Variants in DMD observed in about 807,000 individuals in gnomAD.
DMD encodes the protein dystrophin, also known as mutant dystrophin.
A neutral mutation model predicts 330.1 loss-of-function variants in DMD; 63 were observed. That is an observed-to-expected ratio of 0.19 (90% CI 0.16 to 0.24). The LOEUF (loss-of-function observed/expected upper bound fraction) is 0.24, where lower values mean the gene tolerates loss of function less well. DMD is among the 10% of genes least tolerant of loss of function. The pLI is 1.00. For missense variants in DMD, 3,344 were observed against 2,684.1 expected, an observed-to-expected ratio of 1.25 and a Z score of -5.43; for synonymous variants, 1,223 against 959.8, an observed-to-expected ratio of 1.27 and a Z score of -5.07.
At chrX:31,163,516 C>T (rs898474662) in intron 74 of DMD, among the ~76,000 whole-genome samples, 6 of 112,060 alleles carry the variant, frequency 5.4e-5, no homozygotes, top group African/African-American at 1.3e-4. Context: ...TCATATACCA[C>T]GCTTTCCTCT....
intron 60 of DMD, among the ~76,000 whole-genome samples, chrX:31,440,115 C>G (rs1465009925): frequency 9.3e-6 from 1 of 107,344 alleles, no homozygotes; most frequent in Non-Finnish European, 1.9e-5. Context: ...GTATTTTACA[C>G]CTGTATTGTC....
intron 44 of DMD, among the ~76,000 whole-genome samples, chrX:32,032,295 C>G (rs2095891495): frequency 9.0e-6 from 1 of 110,954 alleles, no homozygotes; most frequent in Non-Finnish European, 1.9e-5. Context: ...TTTCCACATC[C>G]CTCGTAAGTT....
rs1318824691 is a variant in DMD at position 32,537,825 on chromosome X, G to T, written c.2168+7334C>A. Among the ~76,000 whole-genome samples the T allele has an allele frequency of 6.2e-5, 7 of 112,473 alleles. No homozygotes were observed. In the East Asian group the frequency reaches 1.7e-3, roughly 27 times the overall value. ...AATTATATGTAACAGCTCTGGGAAT[G>T]TGATCCTGTCTTCTTTCGTGTTGAT... On this transcript the variant is annotated intron_variant, in intron 17 of 78. Transcript: ENST00000357033.
intron 41 of DMD, among the ~76,000 whole-genome samples, chrX:32,322,871 A>G (rs1054240340): frequency 1.2e-4 from 14 of 112,172 alleles, no homozygotes; most frequent in African/African-American, 4.2e-4. Context: ...TTACTATCCA[A>G]TAAATCCATC....
chrX:31,191,577 G>A (rs1461184204), intron 67 of DMD, among the ~76,000 whole-genome samples: 2 of 111,024 alleles, frequency 1.8e-5, no homozygotes, highest in African/African-American at 6.6e-5. Context: ...TTTTAAAAAC[G>A]GGAGTTTCTC....
chrX:32,530,598 C>T (rs228348), intron 17 of DMD, among the ~76,000 whole-genome samples: 19,192 of 111,043 alleles, frequency 0.17, 1,318 homozygotes, highest in East Asian at 0.39. Context: ...AGGTAAGAAA[C>T]CCCCACAAAT....
intron 34 of DMD, among the ~76,000 whole-genome samples, chrX:32,369,406 G>A: frequency 9.0e-6 from 1 of 111,296 alleles, no homozygotes; most frequent in East Asian, 2.8e-4. Flanking sequence ...AATTTAAAAA[G>A]GCATGTTCGG....
intron 62 of DMD, among the ~76,000 whole-genome samples, chrX:31,312,345 C>T (rs2055588245): frequency 8.9e-6 from 1 of 112,061 alleles, no homozygotes; most frequent in African/African-American, 3.2e-5. Context: ...GGCCAACAAA[C>T]ATATGAAAAA....
chrX:33,085,956 G>T (rs1278481062), intron 1 of DMD: 1 of 111,697 alleles, frequency 9.0e-6, no homozygotes, highest in Non-Finnish European at 1.9e-5. Context: ...AACAAAAAAA[G>T]AAAAAAAGTT....
chrX:31,164,567 C>T (rs1305325309), intron 74 of DMD, among the ~76,000 whole-genome samples: 1 of 111,563 alleles, frequency 9.0e-6, no homozygotes, highest in African/African-American at 3.3e-5. Context: ...CAGCTCTATC[C>T]TCCCCCGAAA....
At chrX:32,350,377 T>C (rs1161666051) in intron 37 of DMD, among the ~76,000 whole-genome samples, 2 of 111,492 alleles carry the variant, frequency 1.8e-5, no homozygotes, top group Non-Finnish European at 3.8e-5. Context: ...ATTCCTAGTA[T>C]GGAGCACATT....
At chrX:32,572,012 G>A (rs1481349892) in intron 15 of DMD, among the ~76,000 whole-genome samples, 3 of 111,909 alleles carry the variant, frequency 2.7e-5, no homozygotes, top group Non-Finnish European at 3.8e-5. Flanking sequence ...CCCATCAGCT[G>A]CAGGCCAAAA....
At position 32,767,447 on chromosome X, in the gene DMD, T is replaced by C. The variant is rs1334994432; in HGVS notation, c.649+42046A>G. On this transcript the variant is annotated intron_variant, in intron 7 of 78. Coordinates refer to ENST00000357033, the MANE Select transcript of DMD (RefSeq NM_004006.3). ...AAGCTTCATTTGTTAAGACTGTAAG[T>C]TCTATATGTGCCATTAAACATACTT... Among the ~76,000 whole-genome samples the C allele has an allele frequency of 5.4e-5, 6 of 111,840 alleles. No homozygotes were observed. The South Asian group carries it at 2.2e-3, about 41-fold the overall frequency.
intron 2 of DMD, among the ~76,000 whole-genome samples, chrX:33,016,309 CAGA>C (rs2093801388): frequency 9.0e-6 from 1 of 110,996 alleles, no homozygotes; most frequent in Admixed American, 9.6e-5. Flanking sequence ...AGTTACAGAT[CAGA>C]AGAAGTTAAT....
chrX:32,812,193 G>T (rs1472044044), intron 6 of DMD, among the ~76,000 whole-genome samples: 2 of 111,568 alleles, frequency 1.8e-5, no homozygotes, highest in African/African-American at 6.5e-5. Context: ...TCTGTGAACA[G>T]AGTCTACATA....
At chrX:32,327,195 C>CA (rs1180767804) in intron 41 of DMD, among the ~76,000 whole-genome samples, 43 of 24,953 alleles carry the variant, frequency 1.7e-3, no homozygotes, top group East Asian at 6.0e-3. Flanking sequence ...ACTAGGGGCA[C>CA]AAAAAAAAAA....
chrX:32,736,105 G>A (rs1250771593), intron 7 of DMD, among the ~76,000 whole-genome samples: 1 of 112,100 alleles, frequency 8.9e-6, no homozygotes, highest in East Asian at 2.8e-4. Context: ...AGTGGGCGAA[G>A]GACATGAACA....
rs2032217207 is a variant in DMD at position 31,120,492 on chromosome X, TTA to T, written c.*1425_*1426del. 1 of 112,182 alleles carries T rather than the reference TTA, an allele frequency of 8.9e-6. No homozygotes were observed. The highest frequency in any genetic ancestry group is 3.2e-5 in the African/African-American group (1 of 30,889). 9.2% of individuals were successfully genotyped at this position (112,182 alleles called of 1,213,427 possible). A position where few individuals can be genotyped will look rare whatever the true frequency, so the allele number is the denominator to read the frequency against. On this transcript the variant is annotated 3_prime_UTR_variant, in exon 79 of 79. Transcript: ENST00000357033. ...ACTGTTTTACACCTTTTCCCAAAGT[TTA>T]TTTATTTTAAATTATGTCTTGTGGC...
At chrX:32,568,598 T>A (rs1295300788) in intron 15 of DMD, among the ~76,000 whole-genome samples, 1 of 111,254 alleles carries the variant, frequency 9.0e-6, no homozygotes, top group Non-Finnish European at 1.9e-5. Context: ...ATTGAATAAA[T>A]GAATTTTTAT....
Sources: allele counts gnomAD v4.1 joint callset (sites outside exome capture counted in the v4.1 genomes callset), GRCh38; gene constraint gnomAD v4.1.1; transcripts MANE v1.5; gene names NCBI Gene and HGNC (gene_info 2026-07-23, HGNC 2026-07-21).